Variants in GARNL3 observed in about 807,000 individuals in gnomAD.
GARNL3 encodes GTPase activating Rap/RanGAP domain like 3.
A neutral mutation model predicts 125.0 loss-of-function variants in GARNL3; 63 were observed. That is an observed-to-expected ratio of 0.50 (90% CI 0.41 to 0.62). GARNL3 has a LOEUF of 0.62. Ranked by LOEUF, GARNL3 falls within the 20% of genes least tolerant of loss-of-function variation. The probability of loss-of-function intolerance (pLI) is 0.00; values close to 1 mark genes in which losing one functional copy is unlikely to be tolerated. For synonymous variants in GARNL3, 439 were observed against 457.5 expected (o/e 0.96, Z 0.52); for missense variants, 994 against 1,244.0 (o/e 0.80, Z 3.02).
chr9:127,266,338 G>T lies in GARNL3; in HGVS notation c.144+1317G>T, dbSNP rs2063705843. Among the ~76,000 whole-genome samples the T allele has an allele frequency of 6.6e-6, 1 of 152,184 alleles. No individual in the cohort carries two copies. Among genetic ancestry groups the T allele is most frequent in the Non-Finnish European group, 1.5e-5 (1 of 68,034 alleles). Reference sequence around the variant, plus strand: ...TTGGTGGCAGAGAGGATAGACAGTAGGTATGAGCTAACAGTATGATTCCTG... The same window carrying T: ...TTGGTGGCAGAGAGGATAGACAGTATGTATGAGCTAACAGTATGATTCCTG... On this transcript the variant is annotated intron_variant, in intron 1 of 27. Coordinates refer to ENST00000373387, the MANE Select transcript of GARNL3 (RefSeq NM_032293.5). The surrounding 1 kb of genome is among the most constrained non-coding windows in gnomAD (Gnocchi z 4.0).
chr9:127,261,386 G>A (rs1471152936), upstream of GARNL3, among the ~76,000 whole-genome samples: 1 of 151,312 alleles, frequency 6.6e-6, no homozygotes, highest in African/African-American at 2.4e-5. Flanking sequence ...GATTATTCAT[G>A]GGAAGGTGTT....
chr9:127,261,730 A>AG (rs1317493688), upstream of GARNL3, among the ~76,000 whole-genome samples: 1 of 152,090 alleles, frequency 6.6e-6, no homozygotes, highest in African/African-American at 2.4e-5. Flanking sequence ...GAAGTTTTTA[A>AG]GGGCTGGGTC....
chr9:127,353,621 C>T (rs962338142), intron 17 of GARNL3: 19 of 515,966 alleles, frequency 3.7e-5, no homozygotes, highest in Non-Finnish European at 5.9e-5. Flanking sequence ...ATATAGAGTT[C>T]GGGATATAGA....
intron 1 of GARNL3, among the ~76,000 whole-genome samples, chr9:127,267,619 C>T (rs1319049900): frequency 6.6e-6 from 1 of 152,144 alleles, no homozygotes; most frequent in East Asian, 1.9e-4. Context: ...GTGAAATGAG[C>T]AGAGCTCCGT....
chr9:127,332,347 A>G lies in GARNL3; in HGVS notation c.668A>G (p.Asn223Ser), dbSNP rs2131569951. The change falls in exon 8 of 28, where the codon AAT becomes AGT. Residue 223 changes from asparagine to serine, a missense_variant and splice_region_variant. Physicochemically the swap from Asn to Ser is conservative, Grantham distance 46. Coordinates refer to ENST00000373387, the MANE Select transcript of GARNL3 (RefSeq NM_032293.5). The stretch of plus-strand genomic sequence containing the variant: ...CTCACTGATGATGAGATGTTCAGCA[A>G]TGGTGAGTGATCTCCTCCCGCTCTC... ...GQLTDDEMFS[N>S]EIGSEPFQKF... The G allele has an allele frequency of 2.5e-6, 4 of 1,613,216 alleles. No homozygotes were observed. The highest frequency in any genetic ancestry group is 1.1e-5 in the South Asian group (1 of 91,070).
chr9:127,314,836 C>A (rs536424017), intron 4 of GARNL3, among the ~76,000 whole-genome samples: 39 of 152,306 alleles, frequency 2.6e-4, no homozygotes, highest in Non-Finnish European at 2.9e-4. Context: ...AGGAGCCCCA[C>A]TTAGATGAGA....
At chr9:127,227,527 G>C (rs2062934118) in intron 1 of GARNL3, among the ~76,000 whole-genome samples, 1 of 152,204 alleles carries the variant, frequency 6.6e-6, no homozygotes, top group East Asian at 1.9e-4. Context: ...TTTGAACCCA[G>C]GAGGCAGAGG....
chr9:127,347,953 C>T (rs1830228033), intron 16 of GARNL3, among the ~76,000 whole-genome samples: 1 of 152,214 alleles, frequency 6.6e-6, no homozygotes, highest in Admixed American at 6.5e-5. Context: ...ACCCTCAGCC[C>T]TAATGCCGTT....
intron 2 of GARNL3, among the ~76,000 whole-genome samples, chr9:127,251,578 G>A (rs1486905878): frequency 6.6e-6 from 1 of 152,114 alleles, no homozygotes; most frequent in Non-Finnish European, 1.5e-5. Context: ...ACATGGAGTG[G>A]ACCTAAATTG....
At chr9:127,306,964 A>G (rs2064974769) in intron 2 of GARNL3, among the ~76,000 whole-genome samples, 1 of 152,320 alleles carries the variant, frequency 6.6e-6, no homozygotes, top group Middle Eastern at 3.4e-3. Flanking sequence ...AAATACTGTA[A>G]TTTTGAAAAG....
intron 2 of GARNL3, among the ~76,000 whole-genome samples, chr9:127,310,704 G>GTGGAGGT (rs879644761): frequency 1.3e-5 from 2 of 151,632 alleles, no homozygotes; most frequent in Non-Finnish European, 2.9e-5. Flanking sequence ...AGCCCAGGAG[G>GTGGAGGT]TGGAGGTTGC....
At chr9:127,250,405 G>A (rs2063380244) in intron 2 of GARNL3, among the ~76,000 whole-genome samples, 1 of 152,222 alleles carries the variant, frequency 6.6e-6, no homozygotes, top group Non-Finnish European at 1.5e-5. Flanking sequence ...TGACTGAGTA[G>A]ATGTGGGATG....
At chr9:127,322,435 G>A (rs1311920392) in intron 6 of GARNL3, among the ~76,000 whole-genome samples, 2 of 151,908 alleles carry the variant, frequency 1.3e-5, no homozygotes, top group African/African-American at 4.8e-5. Flanking sequence ...GCAGCATTCT[G>A]CCTATTTATA....
In GARNL3 at chr9:127,243,002, G is replaced by A. The variant is rs115263008; in HGVS notation, c.-28-77G>A. 1.8e-3 allele frequency: 2,188 copies of A among 1,207,156 alleles called. 39 individuals are homozygous for A. The African/African-American group carries it at 0.03, about 17-fold the overall frequency. 74.8% of individuals were successfully genotyped at this position (1,207,156 alleles called of 1,614,324 possible). A position where few individuals can be genotyped will look rare whatever the true frequency, so the allele number is the denominator to read the frequency against. On this transcript the variant is annotated intron_variant, in intron 1 of 10. Coordinates refer to the GARNL3 transcript ENST00000439286. ...CTTACCAGCGGGGCTGCCTTTGGGA[G>A]GAGGGTAAAGCAGGCCAGGGATTGG...
At chr9:127,359,938 ACT>A (rs1174503034) in intron 21 of GARNL3, among the ~76,000 whole-genome samples, 3 of 152,064 alleles carry the variant, frequency 2.0e-5, no homozygotes, top group African/African-American at 7.2e-5. Context: ...GTCAGGAACA[ACT>A]CTCAAGTTTT....
At chr9:127,338,005 C>G in intron 11 of GARNL3, 111 bp from the exon 12 acceptor site, 1 of 820,000 alleles carries the variant, frequency 1.2e-6, no homozygotes, top group Non-Finnish European at 2.1e-6. Flanking sequence ...GATAGGTGCC[C>G]TAAGCACAGA....
chr9:127,365,412 C>CT (rs34477788), intron 22 of GARNL3, 46 bp downstream of exon 22: 253,176 of 1,054,954 alleles, frequency 0.24, 4,536 homozygotes, highest in East Asian at 0.37. Context: ...AAATGGACTG[C>CT]TTTTTTTTTT....
chr9:127,246,574 G>T (rs1048331312), intron 2 of GARNL3, among the ~76,000 whole-genome samples: 1 of 152,184 alleles, frequency 6.6e-6, no homozygotes, highest in Non-Finnish European at 1.5e-5. Flanking sequence ...GAGAGGCCAA[G>T]GTGGGTGGAT....
At position 127,345,471 on chromosome 9, in the gene GARNL3, A is replaced by G. The variant is rs144944831; in HGVS notation, c.1425A>G (p.Lys475=). The change falls in exon 16 of 28, where the codon AAA becomes AAG. Residue 475 remains lysine (K), a synonymous_variant. Transcript: ENST00000373387. ...GCTTGGCAGCTTCAGGGATCTGTAAAAAAGAGGTGAGTTCATGATACTTTC... is the reference window on the plus strand; with the variant it reads ...GCTTGGCAGCTTCAGGGATCTGTAAGAAAGAGGTGAGTTCATGATACTTTC... ...PSSLAASGIC[K]KEPWEPQCFC... The G allele has an allele frequency of 1.3e-6, 2 of 1,591,732 alleles. No homozygotes were observed. The highest frequency in any genetic ancestry group is 2.7e-5 in the African/African-American group (2 of 74,128).
Sources: allele counts gnomAD v4.1 joint callset (sites outside exome capture counted in the v4.1 genomes callset), GRCh38; gene constraint gnomAD v4.1.1; non-coding constraint Gnocchi (gnomAD v3.1); transcripts MANE v1.5; gene names NCBI Gene and HGNC (gene_info 2026-07-23, HGNC 2026-07-21).